The following PREX2 variants were observed in gnomAD, a reference collection of about 807,000 sequenced individuals.
PREX2 encodes the protein phosphatidylinositol 3,4,5-trisphosphate-dependent Rac exchanger 2 protein.
In PREX2, 107 loss-of-function variants were observed where a neutral mutation model predicts 203.2. The observed-to-expected ratio is 0.53, with a 90% CI of 0.45 to 0.62. The LOEUF is 0.62. PREX2 is among the 20% of genes least tolerant of loss of function. PREX2 has a pLI of 0.00. For synonymous variants in PREX2, 672 were observed against 663.6 expected (o/e 1.01, Z -0.19); for missense variants, 1,777 against 1,955.9 (o/e 0.91, Z 1.72).
chr8:68,164,157 T>C (rs573226891), intron 35 of PREX2, among the ~76,000 whole-genome samples: 15 of 152,244 alleles, frequency 9.9e-5, no homozygotes, highest in African/African-American at 3.6e-4. Context: ...CCAGATCATT[T>C]TATGTGGTAC....
intron 37 of PREX2, among the ~76,000 whole-genome samples, chr8:68,203,871 T>C (rs1812556731): frequency 6.6e-6 from 1 of 152,106 alleles, no homozygotes; most frequent in African/African-American, 2.4e-5. Flanking sequence ...ACTAGAGATA[T>C]GGATGAAAAC....
chr8:67,977,468 A>AT (rs201392076), intron 1 of PREX2, among the ~76,000 whole-genome samples: 394 of 152,102 alleles, frequency 2.6e-3, no homozygotes, highest in East Asian at 0.011. Context: ...TGATATTGTG[A>AT]TTTTTTTTCT....
intron 31 of PREX2, among the ~76,000 whole-genome samples, chr8:68,132,995 A>G (rs964981931): frequency 1.3e-5 from 2 of 152,184 alleles, no homozygotes; most frequent in African/African-American, 4.8e-5. Flanking sequence ...TCTCACTGCT[A>G]TAAAGAAATA....
chr8:68,030,576 G>C lies in PREX2; in HGVS notation c.623G>C (p.Cys208Ser), dbSNP rs759299653. Residue 208 changes from cysteine to serine, a missense_variant, in exon 6 of 40, where the codon TGT becomes TCT. Transcript: ENST00000288368. ...MEALQAMKAVCSNINEAKRQM... is the reference protein window; with the variant it reads ...MEALQAMKAVSSNINEAKRQM... ...GCCCTCCAAGCCATGAAAGCTGTCTGTTCCAACATAAACGAGGCCAAGAGA... is the reference window on the plus strand; with the variant it reads ...GCCCTCCAAGCCATGAAAGCTGTCTCTTCCAACATAAACGAGGCCAAGAGA... 2 of 1,613,726 alleles carry C rather than the reference G, an allele frequency of 1.2e-6. No individual in the cohort carries two copies. The highest frequency in any genetic ancestry group is 1.7e-6 in the Non-Finnish European group (2 of 1,179,726).
chr8:67,952,329 A>G lies in PREX2; in HGVS notation c.-66A>G. Reference sequence around the variant, plus strand: ...CCATTCTCGCCGCCGGGGGCCGGGCAGCAGCGGGCGCGCGGGTCAGCGCTC... The same window carrying G: ...CCATTCTCGCCGCCGGGGGCCGGGCGGCAGCGGGCGCGCGGGTCAGCGCTC... On this transcript the variant is annotated 5_prime_UTR_variant, in exon 1 of 40. Transcript: ENST00000288368. 1 of 1,311,432 alleles carries G rather than the reference A, an allele frequency of 7.6e-7. No individual in the cohort carries two copies. The highest frequency in any genetic ancestry group is 2.4e-5 in the South Asian group (1 of 42,266). 81.2% of individuals were successfully genotyped at this position (1,311,432 alleles called of 1,614,324 possible).
intron 25 of PREX2, among the ~76,000 whole-genome samples, chr8:68,110,732 G>A (rs781348590): frequency 1.9e-4 from 29 of 152,196 alleles, no homozygotes; most frequent in South Asian, 4.1e-4. Context: ...TAATTGACAC[G>A]ATCTCTCATT....
At chr8:68,077,336 C>A (rs117163124) in intron 14 of PREX2, 61 bp from the exon 15 acceptor site, 1 of 1,203,796 alleles carries the variant, frequency 8.3e-7, no homozygotes, top group Non-Finnish European at 1.2e-6. Context: ...TTAAATGGAG[C>A]AAAGCTGCCA....
At chr8:68,091,432 CAGG>C (rs761909682) in intron 20 of PREX2, among the ~76,000 whole-genome samples, 16 of 152,276 alleles carry the variant, frequency 1.1e-4, no homozygotes, top group East Asian at 1.9e-4. Context: ...CAGAACTTTA[CAGG>C]AGAAGCCTTG....
At chr8:68,099,644 TTGTG>T in intron 22 of PREX2, 34 bp from the exon 23 acceptor site, 1 of 1,585,268 alleles carries the variant, frequency 6.3e-7, no homozygotes, top group South Asian at 1.1e-5. Context: ...GTATGTGTGT[TTGTG>T]TGTGTGGGTG....
At chr8:67,984,795 C>A (rs538610640) in intron 1 of PREX2, among the ~76,000 whole-genome samples, 1 of 152,128 alleles carries the variant, frequency 6.6e-6, no homozygotes, top group Non-Finnish European at 1.5e-5. Flanking sequence ...GGGTCATGTT[C>A]ATTTCATAAA....
At chr8:68,173,754 C>A (rs529467057) in intron 35 of PREX2, among the ~76,000 whole-genome samples, 1 of 152,190 alleles carries the variant, frequency 6.6e-6, no homozygotes, top group African/African-American at 2.4e-5. Flanking sequence ...CAAGTAGGAG[C>A]AGATGAAATC....
chr8:67,984,679 G>C (rs1345071336), intron 1 of PREX2, among the ~76,000 whole-genome samples: 1 of 152,180 alleles, frequency 6.6e-6, no homozygotes, highest in East Asian at 1.9e-4. Context: ...CTGCAGGTCT[G>C]CCGGTTCCAG....
At chr8:67,975,334 T>C (rs969408868) in intron 1 of PREX2, among the ~76,000 whole-genome samples, 5 of 149,396 alleles carry the variant, frequency 3.3e-5, no homozygotes, top group Admixed American at 2.0e-4. Context: ...CTATTCATTG[T>C]GTTGCTATAT....
intron 1 of PREX2, among the ~76,000 whole-genome samples, chr8:68,004,039 A>G (rs1807023459): frequency 6.6e-6 from 1 of 152,032 alleles, no homozygotes; most frequent in African/African-American, 2.4e-5. Flanking sequence ...TATTTTTAAT[A>G]GAGACAGGGC....
rs149026421 is a variant in PREX2 at position 68,187,205 on chromosome 8, G to A, written c.4347-4517G>A. On this transcript the variant is annotated intron_variant, in intron 35 of 39. Transcript: ENST00000288368. ...TAGAAGAGCTGCACCTAGTTAAGCC[G>A]TTTAAATGACAGTCTTCTTTCCTTT... 3.9e-4 allele frequency among the ~76,000 whole-genome samples: 60 copies of A among 152,200 alleles called. 3 individuals are homozygous for A. The South Asian group carries it at 0.011, about 29-fold the overall frequency.
At chr8:67,995,069 TC>T (rs1806725619) in intron 1 of PREX2, among the ~76,000 whole-genome samples, 2 of 152,144 alleles carry the variant, frequency 1.3e-5, no homozygotes, top group Non-Finnish European at 2.9e-5. Context: ...TTCTCTACTT[TC>T]CTTTTCTTTT....
chr8:68,140,078 G>T (rs1432695255), intron 33 of PREX2, among the ~76,000 whole-genome samples: 2 of 152,148 alleles, frequency 1.3e-5, no homozygotes, highest in Admixed American at 1.3e-4. Context: ...CAAATGGTCT[G>T]TTGAACAAGT....
intron 35 of PREX2, among the ~76,000 whole-genome samples, chr8:68,172,885 A>G (rs1811906883): frequency 6.6e-6 from 1 of 152,174 alleles, no homozygotes; most frequent in Non-Finnish European, 1.5e-5. Context: ...CACCCAGGAC[A>G]TGCTTCAGCT....
chr8:68,129,960 G>A (rs1035486418), intron 31 of PREX2, among the ~76,000 whole-genome samples: 2 of 151,056 alleles, frequency 1.3e-5, no homozygotes, highest in Non-Finnish European at 2.9e-5. Context: ...GATTTTTGCT[G>A]TAGTTCTTTC....
Sources: allele counts gnomAD v4.1 joint callset (sites outside exome capture counted in the v4.1 genomes callset), GRCh38; gene constraint gnomAD v4.1.1; transcripts MANE v1.5; gene names NCBI Gene and HGNC (gene_info 2026-07-23, HGNC 2026-07-21).